CLEC20A: variants seen among roughly 807,000 people sequenced by gnomAD.
The protein encoded by CLEC20A is C-type lectin domain containing 20A.
exon 8 of CLEC20A, chr1:178,479,517 G>A: frequency 2.5e-6 from 1 of 398,370 alleles, no homozygotes; most frequent in East Asian, 3.6e-5. Flanking sequence ...AACAGAAACT[G>A]CATATCCAAG....
chr1:178,498,301 A>C (rs2101882219), upstream of CLEC20A, among the ~76,000 whole-genome samples: 1 of 152,220 alleles, frequency 6.6e-6, no homozygotes, highest in African/African-American at 2.4e-5. Flanking sequence ...AAAATTAAGC[A>C]CAGGACTGGG....
chr1:178,496,877 T>G (rs1219251298), intron 1 of CLEC20A, 23 bp downstream of exon 1: 3 of 398,526 alleles, frequency 7.5e-6, no homozygotes, highest in Non-Finnish European at 1.3e-5. Flanking sequence ...CCAGGCACCC[T>G]CCTCCAGGTT....
At chr1:178,481,426 T>C (rs916570469) in intron 7 of CLEC20A, 55 of 152,300 alleles carry the variant, frequency 3.6e-4, no homozygotes, top group African/African-American at 1.3e-3. Context: ...AAAATTAAGA[T>C]TGTGGCTAAA....
At chr1:178,482,637 C>T (rs905351896) in intron 6 of CLEC20A, 4 of 358,718 alleles carry the variant, frequency 1.1e-5, no homozygotes, top group African/African-American at 8.4e-5. Context: ...CCTGGCTACC[C>T]ATCAGGCAAT....
chr1:178,487,861 A>G (rs530055427), intron 5 of CLEC20A, among the ~76,000 whole-genome samples: 1 of 152,358 alleles, frequency 6.6e-6, no homozygotes, highest in African/African-American at 2.4e-5. Context: ...GGAATCTGTA[A>G]GGAGGCCAGG....
intron 6 of CLEC20A, chr1:178,482,737 C>T: frequency 4.5e-6 from 1 of 222,738 alleles, no homozygotes. Flanking sequence ...ACTCATCTCT[C>T]CTTGAGCTCC....
At chr1:178,489,974 G>A (rs1162430840) in intron 4 of CLEC20A, 98 bp downstream of exon 4, 1 of 397,646 alleles carries the variant, frequency 2.5e-6, no homozygotes, top group African/African-American at 2.1e-5. Context: ...TGCTTCCTTG[G>A]GTCTATCCTC....
chr1:178,482,535 G>A (rs1649016963), intron 6 of CLEC20A, 138 bp from the exon 7 acceptor site: 3 of 396,002 alleles, frequency 7.6e-6, no homozygotes, highest in Non-Finnish European at 1.3e-5. Flanking sequence ...AGAAACTGCT[G>A]AGCAGAAGAA....
chr1:178,498,292 A>G (rs144735578), upstream of CLEC20A, among the ~76,000 whole-genome samples: 2 of 152,220 alleles, frequency 1.3e-5, no homozygotes, highest in East Asian at 3.9e-4. Context: ...TCTGACTCCA[A>G]AATTAAGCAC....
rs141179591 is a variant in CLEC20A, at chr1:178,482,034, C to T, written c.1122+278G>A. The T allele has an allele frequency of 8.4e-4, 232 of 276,946 alleles. 2 individuals are homozygous for T. In the East Asian group the frequency reaches 0.011, roughly 13 times the overall value. 17.2% of individuals were successfully genotyped at this position (276,946 alleles called of 1,614,324 possible). A position where few individuals can be genotyped will look rare whatever the true frequency, so the allele number is the denominator to read the frequency against. On this transcript the variant is annotated intron_variant, in intron 7 of 7. Transcript: ENST00000623247. The stretch of plus-strand genomic sequence containing the variant: ...GATAAGGGCAAAACTAAGACCCACG[C>T]TCAGATCCCTCTGACCGTGCTGTCT...
intron 4 of CLEC20A, among the ~76,000 whole-genome samples, chr1:178,489,850 G>A (rs988832124): frequency 6.6e-6 from 1 of 152,202 alleles, no homozygotes; most frequent in Non-Finnish European, 1.5e-5. Context: ...GATGGAATCC[G>A]TTCCATTATT....
chr1:178,478,796 G>A (rs145650805), downstream of CLEC20A: 56 of 152,248 alleles, frequency 3.7e-4, no homozygotes, highest in African/African-American at 1.2e-3. Flanking sequence ...AGATACGTTT[G>A]AGGTCTTTTA....
chr1:178,492,575 C>T lies in CLEC20A; in HGVS notation c.398-9G>A, dbSNP rs996156191. ...GTGCCCGACGTCAGGGTCTGTAAAA[C>T]AGAAACAGACCACGAGTTATGGGGA... On this transcript the variant is annotated splice_polypyrimidine_tract_variant and intron_variant, in intron 2 of 7. Transcript: ENST00000623247. 3 of 398,424 alleles carry T rather than the reference C, an allele frequency of 7.5e-6. No individual in the cohort carries two copies. The highest frequency in any genetic ancestry group is 6.2e-5 in the African/African-American group (3 of 48,594). 24.7% of individuals were successfully genotyped at this position (398,424 alleles called of 1,614,324 possible).
upstream of CLEC20A, chr1:178,499,607 T>G (rs952800990): frequency 6.6e-6 from 1 of 152,254 alleles, no homozygotes; most frequent in African/African-American, 2.4e-5. Context: ...GGATTTGGAC[T>G]GGCCTCCTTT....
intron 5 of CLEC20A, chr1:178,486,354 C>A (rs2455862): frequency 1.3e-5 from 5 of 398,142 alleles, no homozygotes; most frequent in Middle Eastern, 6.3e-4. Context: ...CAGGCCTGGT[C>A]GCCCCAAGAG....
At chr1:178,481,379 T>C (rs1275663618) in intron 7 of CLEC20A, 5 of 152,324 alleles carry the variant, frequency 3.3e-5, no homozygotes, top group African/African-American at 1.2e-4. Flanking sequence ...TAAATTGCAA[T>C]GAACTAACAG....
chr1:178,486,527 C>T, intron 5 of CLEC20A: 1 of 398,814 alleles, frequency 2.5e-6, no homozygotes. Context: ...CTCTGGGTCA[C>T]GGCTGGGCTC....
At chr1:178,486,180 C>G (rs1649135962) in intron 5 of CLEC20A, among the ~76,000 whole-genome samples, 1 of 152,186 alleles carries the variant, frequency 6.6e-6, no homozygotes, top group African/African-American at 2.4e-5. Flanking sequence ...CCTAAATTAC[C>G]CAGGGAGGAC....
chr1:178,496,876 C>G, intron 1 of CLEC20A, 24 bp downstream of exon 1: 1 of 398,742 alleles, frequency 2.5e-6, no homozygotes, highest in Non-Finnish European at 4.4e-6. Flanking sequence ...GCCAGGCACC[C>G]TCCTCCAGGT....
Sources: allele counts gnomAD v4.1 joint callset (sites outside exome capture counted in the v4.1 genomes callset), GRCh38; gene constraint gnomAD v4.1.1; transcripts MANE v1.5; gene names NCBI Gene and HGNC (gene_info 2026-07-23, HGNC 2026-07-21).